The following LRFN5 variants were observed in gnomAD, a reference collection of about 807,000 sequenced individuals.
LRFN5 encodes the protein leucine-rich repeat and fibronectin type-III domain-containing protein 5.
Under a neutral mutation model 45.6 loss-of-function variants are expected in LRFN5, and 24 were observed. The ratio of observed to expected loss-of-function variants is 0.53; its 90% CI spans 0.38 to 0.74. The LOEUF is 0.74. Among genes scored for constraint, LRFN5 ranks in the 30% least tolerant of loss-of-function variants. The pLI, the probability that LRFN5 is intolerant of heterozygous loss-of-function variation, is 0.00. For synonymous variants in LRFN5, 340 were observed against 313.8 expected, an observed-to-expected ratio of 1.08 and a Z score of -0.88; for missense variants, 776 against 861.5, an observed-to-expected ratio of 0.90 and a Z score of 1.24.
At chr14:41,637,924 G>A (rs567343037) in intron 1 of LRFN5, among the ~76,000 whole-genome samples, 30 of 152,076 alleles carry the variant, frequency 2.0e-4, no homozygotes, top group Non-Finnish European at 2.4e-4. Context: ...AGCTTTCTGG[G>A]TTTTGCTTCA....
chr14:41,694,860 T>A (rs1434876199), intron 1 of LRFN5, among the ~76,000 whole-genome samples: 2 of 151,964 alleles, frequency 1.3e-5, no homozygotes, highest in Non-Finnish European at 2.9e-5. Context: ...TTAATAACTC[T>A]ACAATGGCCA....
At chr14:41,863,169 T>A (rs1426685579) in intron 2 of LRFN5, among the ~76,000 whole-genome samples, 2 of 152,146 alleles carry the variant, frequency 1.3e-5, no homozygotes, top group Non-Finnish European at 2.9e-5. Flanking sequence ...CCAGCCTAAG[T>A]CTCTTCTTAA....
intron 2 of LRFN5, among the ~76,000 whole-genome samples, chr14:41,885,258 G>A (rs769738627): frequency 2.0e-5 from 3 of 150,660 alleles, no homozygotes; most frequent in African/African-American, 4.9e-5. Context: ...TGAGGAGGTC[G>A]AGACTGCAGT....
intron 2 of LRFN5, among the ~76,000 whole-genome samples, chr14:41,820,912 T>C (rs1431366582): frequency 6.6e-6 from 1 of 152,054 alleles, no homozygotes; most frequent in Non-Finnish European, 1.5e-5. Flanking sequence ...TAGTTCTCAG[T>C]TTGATTGTCA....
chr14:41,806,656 T>C (rs1024431816), intron 2 of LRFN5, among the ~76,000 whole-genome samples: 8 of 152,166 alleles, frequency 5.3e-5, no homozygotes, highest in African/African-American at 1.9e-4. Context: ...CACGGTATGA[T>C]TGAAGTTTGG....
chr14:41,848,809 T>C (rs868032310), intron 2 of LRFN5, among the ~76,000 whole-genome samples: 1 of 152,062 alleles, frequency 6.6e-6, no homozygotes, highest in South Asian at 2.1e-4. Flanking sequence ...GAGTATACCA[T>C]ACAACAGGCT....
In LRFN5 at chr14:41,630,967, A is replaced by T. The variant is rs548298977; in HGVS notation, c.-197+22405A>T. Among the ~76,000 whole-genome samples, 7 of 152,262 alleles carry T rather than the reference A, an allele frequency of 4.6e-5. No homozygotes were observed. In the East Asian group the frequency reaches 1.4e-3, roughly 29 times the overall value. ...GGGGTGAATTAGGTTGGAATGGCTT[A>T]TGTAAAGCTCTGGACTCTCTTCTTT... On this transcript the variant is annotated intron_variant, in intron 1 of 5. Transcript: ENST00000298119.
intron 2 of LRFN5, among the ~76,000 whole-genome samples, chr14:41,859,652 G>A (rs1889594418): frequency 6.6e-6 from 1 of 152,098 alleles, no homozygotes; most frequent in African/African-American, 2.4e-5. Context: ...TTTAACAGAA[G>A]TTTTCTAACT....
Position 41,830,219 on chromosome 14 carries a change from A to G in LRFN5, c.-20-56387A>G, listed in dbSNP as rs999965309. ...TTTTTCAATTGTAGTAGTGTTATGTAGCCCATACAACTTTTCATGTTTTTT... is the reference window on the plus strand; with the variant it reads ...TTTTTCAATTGTAGTAGTGTTATGTGGCCCATACAACTTTTCATGTTTTTT... On this transcript the variant is annotated intron_variant, in intron 2 of 5. Coordinates refer to ENST00000298119, the MANE Select transcript of LRFN5 (RefSeq NM_152447.5). Among the ~76,000 whole-genome samples the G allele has an allele frequency of 1.4e-4, 22 of 151,932 alleles. No homozygotes were observed. The East Asian group carries it at 4.3e-3, about 29-fold the overall frequency.
At position 41,694,103 on chromosome 14, in the gene LRFN5, A is replaced by G. The variant is rs568285576; in HGVS notation, c.-196-72751A>G. Among the ~76,000 whole-genome samples the G allele has an allele frequency of 2.6e-5, 4 of 152,128 alleles. No individual in the cohort carries two copies. In the East Asian group the frequency reaches 7.7e-4, roughly 29 times the overall value. Reference sequence around the variant, plus strand: ...ATTGACATTTATGTAGTTTAATTTAATGTTTTACATATGTGTACAATGTGG... The same window carrying G: ...ATTGACATTTATGTAGTTTAATTTAGTGTTTTACATATGTGTACAATGTGG... On this transcript the variant is annotated intron_variant, in intron 1 of 5. Transcript: ENST00000298119.
chr14:41,724,342 A>G (rs1419706398), intron 1 of LRFN5, among the ~76,000 whole-genome samples: 1 of 152,246 alleles, frequency 6.6e-6, no homozygotes, highest in Non-Finnish European at 1.5e-5. Context: ...TTTCACAGTT[A>G]GCGTGACTGA....
intron 1 of LRFN5, among the ~76,000 whole-genome samples, chr14:41,745,995 C>A (rs1441769028): frequency 6.6e-6 from 1 of 152,064 alleles, no homozygotes; most frequent in African/African-American, 2.4e-5. Flanking sequence ...CTCCCTAACT[C>A]ATTCTATGAG....
intron 2 of LRFN5, among the ~76,000 whole-genome samples, chr14:41,781,123 TTC>T (rs1886466222): frequency 6.6e-6 from 1 of 152,156 alleles, no homozygotes; most frequent in Non-Finnish European, 1.5e-5. Flanking sequence ...TACTTTTTCT[TTC>T]TCTCTTTCTT....
At chr14:41,762,164 A>G (rs1229506691) in intron 1 of LRFN5, among the ~76,000 whole-genome samples, 1 of 151,094 alleles carries the variant, frequency 6.6e-6, no homozygotes, top group African/African-American at 2.4e-5. Context: ...ACCTTCACCT[A>G]AGTTCTAGCT....
chr14:41,826,235 T>C (rs1483071857), intron 2 of LRFN5, among the ~76,000 whole-genome samples: 1 of 152,208 alleles, frequency 6.6e-6, no homozygotes, highest in Non-Finnish European at 1.5e-5. Flanking sequence ...CAGAGGTTGC[T>C]CATTACATTA....
chr14:41,892,376 A>T (rs1330135052), intron 4 of LRFN5: 3 of 984,842 alleles, frequency 3.0e-6, no homozygotes, highest in Non-Finnish European at 3.6e-6. Flanking sequence ...TGGATAAGGG[A>T]AAAAGCATGA....
chr14:41,734,497 A>C (rs60756979), intron 1 of LRFN5, among the ~76,000 whole-genome samples: 6,765 of 149,436 alleles, frequency 0.045, 339 homozygotes, highest in African/African-American at 0.12. Context: ...TTTTGTTTCC[A>C]TTTGCATGGA....
At chr14:41,901,786 A>G (rs1431571317) in intron 5 of LRFN5, among the ~76,000 whole-genome samples, 1 of 152,052 alleles carries the variant, frequency 6.6e-6, no homozygotes, top group Non-Finnish European at 1.5e-5. Context: ...TATGCTTCCA[A>G]TTTGTTTCCA....
chr14:41,742,896 C>T (rs1309201194), intron 1 of LRFN5: 1 of 155,688 alleles, frequency 6.4e-6, no homozygotes, highest in Non-Finnish European at 1.4e-5. Context: ...ATATAGAGCT[C>T]CAGGCTACTC....
Sources: gnomAD v4.1 joint callset for allele counts (sites outside exome capture counted in the v4.1 genomes callset) on GRCh38, gnomAD v4.1.1 for gene constraint, MANE v1.5 for transcripts, NCBI Gene and HGNC (gene_info 2026-07-23, HGNC 2026-07-21) for gene names.